RAB7A: variants seen among roughly 807,000 people sequenced by gnomAD.
RAB7A encodes the protein RAB7A, member RAS oncogene family, also known as ras-related protein Rab-7a.
Under a neutral mutation model 24.5 loss-of-function variants are expected in RAB7A, and 2 were observed. The ratio of observed to expected loss-of-function variants is 0.08; its 90% CI spans 0.03 to 0.26. The LOEUF is 0.26. RAB7A is among the 10% of genes least tolerant of loss of function. RAB7A has a pLI of 1.00. For synonymous variants in RAB7A, 100 were observed against 95.9 expected (o/e 1.04, Z -0.25); for missense variants, 118 against 255.7 (o/e 0.46, Z 3.67).
At chr3:128,745,343 A>C (rs1317599051) in intron 1 of RAB7A, among the ~76,000 whole-genome samples, 1 of 151,982 alleles carries the variant, frequency 6.6e-6, no homozygotes, top group African/African-American at 2.4e-5. Context: ...ATTTGGAAGA[A>C]ACAGTAGTTT....
chr3:128,767,463 G>A (rs2070843046), intron 1 of RAB7A, among the ~76,000 whole-genome samples: 1 of 152,180 alleles, frequency 6.6e-6, no homozygotes, highest in Non-Finnish European at 1.5e-5. Flanking sequence ...AGTGAAGGGA[G>A]CCTGGGGTAA....
chr3:128,759,910 A>C (rs765579185), intron 1 of RAB7A, among the ~76,000 whole-genome samples: 1 of 151,994 alleles, frequency 6.6e-6, no homozygotes, highest in Non-Finnish European at 1.5e-5. Context: ...GGGTTTCTCC[A>C]TATTGGTCAG....
intron 1 of RAB7A, among the ~76,000 whole-genome samples, chr3:128,729,884 G>C (rs559170778): frequency 1.4e-4 from 22 of 152,312 alleles, no homozygotes; most frequent in Admixed American, 1.4e-3. Flanking sequence ...AGGCTAAACA[G>C]AGGTTCCCCT....
chr3:128,785,854 A>C (rs147536892), intron 1 of RAB7A, among the ~76,000 whole-genome samples: 1,817 of 151,608 alleles, frequency 0.012, 32 homozygotes, highest in African/African-American at 0.039. Context: ...GCCCCCCTAG[A>C]TCCTTAATGT....
chr3:128,751,274 G>A (rs2070678640), intron 1 of RAB7A, among the ~76,000 whole-genome samples: 1 of 152,140 alleles, frequency 6.6e-6, no homozygotes, highest in Non-Finnish European at 1.5e-5. Context: ...TGCACCAACA[G>A]CTTGCACCAT....
chr3:128,810,402 A>G (rs765312298), intron 5 of RAB7A, among the ~76,000 whole-genome samples: 3 of 152,052 alleles, frequency 2.0e-5, no homozygotes, highest in Non-Finnish European at 4.4e-5. Context: ...CTGTTGCATT[A>G]GTCTGCTCAG....
At chr3:128,741,306 C>T (rs1482017550) in intron 1 of RAB7A, among the ~76,000 whole-genome samples, 1 of 152,096 alleles carries the variant, frequency 6.6e-6, no homozygotes, top group Non-Finnish European at 1.5e-5. Context: ...TCTGTAGTCA[C>T]ATCTGTCAAT....
intron 1 of RAB7A, among the ~76,000 whole-genome samples, chr3:128,735,550 T>C (rs929430082): frequency 1.3e-5 from 2 of 152,210 alleles, no homozygotes; most frequent in African/African-American, 4.8e-5. Context: ...ATTAAGAGCT[T>C]AGTGGGCTAG....
chr3:128,780,712 G>C (rs1174432321), intron 1 of RAB7A, among the ~76,000 whole-genome samples: 1 of 152,190 alleles, frequency 6.6e-6, no homozygotes, highest in Non-Finnish European at 1.5e-5. Flanking sequence ...CCAGAAAGAG[G>C]CTGTTAGGGC....
chr3:128,774,306 G>A (rs1346244884), intron 1 of RAB7A, among the ~76,000 whole-genome samples: 1 of 151,498 alleles, frequency 6.6e-6, no homozygotes, highest in Non-Finnish European at 1.5e-5. Context: ...GTCAGCAAGA[G>A]ATAAATGCTA....
At chr3:128,766,907 T>C (rs13075151) in intron 1 of RAB7A, among the ~76,000 whole-genome samples, 32,923 of 151,924 alleles carry the variant, frequency 0.22, 5,083 homozygotes, top group African/African-American at 0.43. Flanking sequence ...CCACTTTACA[T>C]TCCCACCAGC....
At chr3:128,811,069 A>C (rs1933915397) in intron 5 of RAB7A, among the ~76,000 whole-genome samples, 1 of 151,936 alleles carries the variant, frequency 6.6e-6, no homozygotes, top group Non-Finnish European at 1.5e-5. Context: ...AAAAAAACAA[A>C]ACATTCCACC....
At chr3:128,792,009 G>A (rs1021104080) in intron 1 of RAB7A, among the ~76,000 whole-genome samples, 11 of 152,132 alleles carry the variant, frequency 7.2e-5, no homozygotes, top group African/African-American at 2.7e-4. Flanking sequence ...AGGTGTTGCT[G>A]TATCTCAAGG....
intron 1 of RAB7A, chr3:128,765,078 C>G: frequency 1.1e-6 from 1 of 944,846 alleles, no homozygotes; most frequent in Non-Finnish European, 1.7e-6. Context: ...CGGCGGGGGC[C>G]TTGGGATGGT....
At chr3:128,807,967 C>T (rs140027587) in intron 5 of RAB7A, among the ~76,000 whole-genome samples, 2 of 152,164 alleles carry the variant, frequency 1.3e-5, no homozygotes, top group African/African-American at 4.8e-5. Context: ...ACTGGGAGAC[C>T]CCGAACAGAT....
intron 3 of RAB7A, chr3:128,798,400 C>G (rs1341481869): frequency 1.3e-5 from 4 of 319,292 alleles, no homozygotes; most frequent in Non-Finnish European, 1.8e-5. Context: ...TTGTGCCTCT[C>G]TTGACATCCT....
chr3:128,798,165 A>C (rs1933614464), intron 3 of RAB7A, 96 bp downstream of exon 3: 2 of 1,479,294 alleles, frequency 1.4e-6, no homozygotes, highest in Non-Finnish European at 1.9e-6. Flanking sequence ...CTGTTCTTCA[A>C]ATCTTATTAT....
At chr3:128,798,638 A>T (rs1309175020) in intron 3 of RAB7A, among the ~76,000 whole-genome samples, 1 of 151,994 alleles carries the variant, frequency 6.6e-6, no homozygotes, top group Non-Finnish European at 1.5e-5. Context: ...TTCTGGCTAT[A>T]AACTATTATT....
intron 1 of RAB7A, among the ~76,000 whole-genome samples, chr3:128,792,817 TTTTATTTATTTA>T (rs71618167): frequency 0.021 from 2,894 of 137,478 alleles, 75 homozygotes; most frequent in African/African-American, 0.058. Context: ...CCGAGCTAAT[TTTTATTTATTTA>T]TTTATTTATT....
Sources: allele counts gnomAD v4.1 joint callset (sites outside exome capture counted in the v4.1 genomes callset), GRCh38; gene constraint gnomAD v4.1.1; transcripts MANE v1.5; gene names NCBI Gene and HGNC (gene_info 2026-07-23, HGNC 2026-07-21).